Variants in CDH22 observed in about 807,000 individuals in gnomAD.
The protein encoded by CDH22 is cadherin-22.
A neutral mutation model predicts 58.4 loss-of-function variants in CDH22; 30 were observed. That is an observed-to-expected ratio of 0.51 (90% confidence interval 0.38 to 0.70). CDH22 has a LOEUF of 0.70. CDH22 is among the 30% of genes least tolerant of loss of function. The probability of loss-of-function intolerance (pLI) is 0.00; values close to 1 mark genes in which losing one functional copy is unlikely to be tolerated. For synonymous variants in CDH22, 513 were observed against 558.2 expected (o/e 0.92, Z 1.14); for missense variants, 1,014 against 1,233.9 (o/e 0.82, Z 2.67).
In CDH22 at chr20:46,227,737, C is replaced by T. The variant is rs905923973; in HGVS notation, c.551-110G>A. 11 of 1,458,154 alleles carry T rather than the reference C, an allele frequency of 7.5e-6. No homozygotes were observed. In the East Asian group the frequency reaches 1.2e-4, roughly 17 times the overall value. 90.3% of individuals were successfully genotyped at this position (1,458,154 alleles called of 1,614,324 possible). On this transcript the variant is annotated intron_variant, in intron 3 of 11. Coordinates refer to ENST00000537909, the MANE Select transcript of CDH22 (RefSeq NM_021248.3). ...GGAGAGGAGACCCTCGGGAGACCTG[C>T]GGGAGGCCATCGAATACAGCCCCTC...
At chr20:46,268,274 G>A (rs1463167262) in intron 1 of CDH22, among the ~76,000 whole-genome samples, 1 of 152,216 alleles carries the variant, frequency 6.6e-6, no homozygotes, top group Admixed American at 6.5e-5. Context: ...GCTGGGCCTG[G>A]CCCCGCTCCG....
intron 2 of CDH22, among the ~76,000 whole-genome samples, chr20:46,243,156 C>G (rs1166123479): frequency 6.6e-6 from 1 of 152,190 alleles, no homozygotes; most frequent in Non-Finnish European, 1.5e-5. Flanking sequence ...GCCCACTAGG[C>G]AGGAGAACAG....
chr20:46,253,254 T>C (rs1454318899), intron 1 of CDH22, among the ~76,000 whole-genome samples: 1 of 152,256 alleles, frequency 6.6e-6, no homozygotes, highest in Admixed American at 6.5e-5. Flanking sequence ...TGCAGATGCC[T>C]AATTCCCCAG....
At chr20:46,268,721 G>T (rs994090325) in intron 1 of CDH22, among the ~76,000 whole-genome samples, 1 of 152,204 alleles carries the variant, frequency 6.6e-6, no homozygotes, top group Non-Finnish European at 1.5e-5. Context: ...GGCTTCAGGG[G>T]CCAAGGCCGA....
intron 1 of CDH22, among the ~76,000 whole-genome samples, chr20:46,304,013 G>C (rs1381710903): frequency 3.3e-5 from 5 of 152,174 alleles, no homozygotes; most frequent in Admixed American, 1.3e-4. Context: ...AGATGGATGA[G>C]AGGGGAGAAA....
intron 1 of CDH22, among the ~76,000 whole-genome samples, chr20:46,303,408 T>C (rs1473993356): frequency 1.3e-5 from 2 of 152,216 alleles, no homozygotes. Flanking sequence ...GTCACAGTTA[T>C]GAGAATTGTT....
intron 10 of CDH22, among the ~76,000 whole-genome samples, chr20:46,183,360 C>T (rs116950841): frequency 2.9e-4 from 44 of 152,224 alleles, no homozygotes; most frequent in Admixed American, 6.5e-4. Context: ...TTTTGGTCAG[C>T]GTCCTTTCTG....
At chr20:46,286,310 A>G (rs2086576584) in intron 1 of CDH22, among the ~76,000 whole-genome samples, 1 of 152,106 alleles carries the variant, frequency 6.6e-6, no homozygotes. Flanking sequence ...GATGCTGGGC[A>G]GGGAGTCGAG....
chr20:46,179,796 A>C (rs2085771397), intron 10 of CDH22, among the ~76,000 whole-genome samples: 2 of 152,100 alleles, frequency 1.3e-5, no homozygotes, highest in Admixed American at 1.3e-4. Context: ...AGCCCATAGA[A>C]ATGCTCAATA....
intron 1 of CDH22, among the ~76,000 whole-genome samples, chr20:46,278,607 C>T (rs1300542876): frequency 6.6e-6 from 1 of 151,876 alleles, no homozygotes; most frequent in East Asian, 1.9e-4. Flanking sequence ...TTTTTTGAGA[C>T]AGGGTCTCAC....
intron 1 of CDH22, among the ~76,000 whole-genome samples, chr20:46,288,139 G>C (rs534508675): frequency 1.1e-4 from 16 of 152,256 alleles, no homozygotes; most frequent in African/African-American, 3.4e-4. Context: ...AGGCCTGTGA[G>C]CCCTTGCATG....
At chr20:46,281,770 C>T (rs1261982831) in intron 1 of CDH22, among the ~76,000 whole-genome samples, 1 of 152,196 alleles carries the variant, frequency 6.6e-6, no homozygotes, top group Non-Finnish European at 1.5e-5. Flanking sequence ...TCACAGATGC[C>T]CAGACCTTCA....
At chr20:46,299,774 A>G (rs1434605870) in intron 1 of CDH22, among the ~76,000 whole-genome samples, 1 of 152,190 alleles carries the variant, frequency 6.6e-6, no homozygotes, top group East Asian at 1.9e-4. Context: ...GGTACAGATG[A>G]GGAAACTGAG....
intron 1 of CDH22, among the ~76,000 whole-genome samples, chr20:46,266,511 T>G (rs927689139): frequency 6.6e-6 from 1 of 152,242 alleles, no homozygotes; most frequent in Non-Finnish European, 1.5e-5. Flanking sequence ...CAGGAGCATG[T>G]GTGACACATT....
intron 4 of CDH22, chr20:46,219,955 G>C (rs2086112170): frequency 6.6e-6 from 1 of 152,540 alleles, no homozygotes; most frequent in Non-Finnish European, 1.5e-5. Context: ...TCCACCCTGG[G>C]GGGTTGGAAA....
chr20:46,180,947 T>C (rs1055752650), intron 10 of CDH22, among the ~76,000 whole-genome samples: 1 of 151,628 alleles, frequency 6.6e-6, no homozygotes, highest in Non-Finnish European at 1.5e-5. Context: ...TGTGTGTGTG[T>C]GTGTGTGTGT....
chr20:46,236,080 G>A (rs1162923797), intron 3 of CDH22, among the ~76,000 whole-genome samples: 1 of 152,076 alleles, frequency 6.6e-6, no homozygotes, highest in Non-Finnish European at 1.5e-5. Flanking sequence ...TATGCCTCAG[G>A]ACCCTTGCAT....
At chr20:46,253,501 C>T (rs2086391224) in intron 1 of CDH22, among the ~76,000 whole-genome samples, 1 of 152,134 alleles carries the variant, frequency 6.6e-6, no homozygotes, top group Admixed American at 6.5e-5. Context: ...GACCCATGAT[C>T]CTGTGGTGAA....
chr20:46,188,402 A>G (rs2085841361), intron 8 of CDH22, among the ~76,000 whole-genome samples: 1 of 152,212 alleles, frequency 6.6e-6, no homozygotes, highest in Admixed American at 6.5e-5. Context: ...ATATTGACCC[A>G]ATTATGCCTA....
Sources: gnomAD v4.1 joint callset for allele counts (sites outside exome capture counted in the v4.1 genomes callset) on GRCh38, gnomAD v4.1.1 for gene constraint, MANE v1.5 for transcripts, NCBI Gene and HGNC (gene_info 2026-07-23, HGNC 2026-07-21) for gene names.